The following GNAT3 variants were observed in gnomAD, a reference collection of about 807,000 sequenced individuals.
The protein encoded by GNAT3 is G protein subunit alpha transducin 3, also known as guanine nucleotide-binding protein G(t) subunit alpha-3.
GNAT3 carries 31 observed loss-of-function variants against 37.7 expected under a neutral mutation model. That is an observed-to-expected ratio of 0.82 (90% CI 0.62 to 1.11). The LOEUF (loss-of-function observed/expected upper bound fraction) is 1.11, where lower values mean the gene tolerates loss of function less well. GNAT3 is among the 50% of genes most tolerant of loss of function. GNAT3 has a pLI of 0.00. For missense variants in GNAT3, 437 were observed against 412.5 expected (o/e 1.06, Z -0.51); for synonymous variants, 138 against 139.8 (o/e 0.99, Z 0.09).
chr7:80,472,967 A>C (rs1480813418), intron 5 of GNAT3, among the ~76,000 whole-genome samples: 1 of 152,160 alleles, frequency 6.6e-6, no homozygotes, highest in Non-Finnish European at 1.5e-5. Flanking sequence ...AAAGAGTAAG[A>C]CAGAAAAGGG....
intron 1 of GNAT3, among the ~76,000 whole-genome samples, chr7:80,505,256 T>C (rs1231899063): frequency 6.6e-6 from 1 of 152,232 alleles, no homozygotes; most frequent in Non-Finnish European, 1.5e-5. Context: ...CTGAAATGAC[T>C]GGCCCTGTTT....
At chr7:80,507,452 C>T (rs1187872049) in intron 1 of GNAT3, among the ~76,000 whole-genome samples, 1 of 151,950 alleles carries the variant, frequency 6.6e-6, no homozygotes, top group Non-Finnish European at 1.5e-5. Flanking sequence ...AATAATGATA[C>T]ACATTTATTG....
chr7:80,462,819 CT>C (rs1307442749), intron 5 of GNAT3, among the ~76,000 whole-genome samples, 188 bp from the exon 6 acceptor site: 1 of 152,130 alleles, frequency 6.6e-6, no homozygotes, highest in Non-Finnish European at 1.5e-5. Flanking sequence ...AAAAAACAGT[CT>C]TTTAAAATTG....
At chr7:80,497,671 C>CGT (rs1554317549) in intron 1 of GNAT3, among the ~76,000 whole-genome samples, 2 of 91,138 alleles carry the variant, frequency 2.2e-5, no homozygotes, top group African/African-American at 2.1e-4. Flanking sequence ...TACGTATATA[C>CGT]ATACATATAT....
chr7:80,493,683 CCTCTTTCCTCCTCCTCCT>C (rs1790646980), intron 2 of GNAT3, among the ~76,000 whole-genome samples: 1 of 125,646 alleles, frequency 8.0e-6, no homozygotes, highest in African/African-American at 4.1e-5. Context: ...TCCTCCTCCT[CCTCTTTCCTCCTCCTCCT>C]CTTTGTTCCT....
intron 5 of GNAT3, among the ~76,000 whole-genome samples, chr7:80,464,961 G>T (rs1273152177): frequency 2.0e-5 from 3 of 152,026 alleles, no homozygotes; most frequent in Non-Finnish European, 4.4e-5. Context: ...AATATTATAT[G>T]TGCTACTAAT....
At chr7:80,467,948 T>C (rs181316435) in intron 5 of GNAT3, among the ~76,000 whole-genome samples, 1 of 152,058 alleles carries the variant, frequency 6.6e-6, no homozygotes, top group African/African-American at 2.4e-5. Context: ...TATTTAAGTT[T>C]TTTTTTTAAG....
At chr7:80,489,520 T>G (rs1026118855) in intron 2 of GNAT3, among the ~76,000 whole-genome samples, 1 of 152,098 alleles carries the variant, frequency 6.6e-6, no homozygotes, top group African/African-American at 2.4e-5. Flanking sequence ...TATAAAGGCT[T>G]TAGCATGGGG....
chr7:80,474,328 T>C lies in GNAT3; in HGVS notation c.513A>G (p.Glu171=). 3.2e-6 allele frequency: 5 copies of C among 1,570,692 alleles called. No individual in the cohort carries two copies. Among genetic ancestry groups the C allele is most frequent in the Non-Finnish European group, 3.5e-6 (4 of 1,155,462 alleles). Residue 171 remains glutamate (E), a synonymous_variant, in exon 5 of 8, where the codon GAA becomes GAG. Coordinates refer to ENST00000398291, the MANE Select transcript of GNAT3 (RefSeq NM_001102386.3). ...TCACTCGAGAATGGAGAACATCTTG[T>C]TCATTTGGCACATACCCAGATGCTG... is the stretch of plus-strand genomic sequence containing the variant. ...RITASGYVPN[E]QDVLHSRVKT... is the part of the protein sequence containing the mutation.
intron 1 of GNAT3, among the ~76,000 whole-genome samples, chr7:80,501,744 C>T (rs990999108): frequency 2.0e-5 from 3 of 151,742 alleles, no homozygotes; most frequent in African/African-American, 7.2e-5. Flanking sequence ...TCTGTATTCT[C>T]TGATTAGATT....
At chr7:80,493,468 T>C (rs1790632951) in intron 2 of GNAT3, among the ~76,000 whole-genome samples, 1 of 152,194 alleles carries the variant, frequency 6.6e-6, no homozygotes, top group Admixed American at 6.5e-5. Flanking sequence ...AAACAGTGTC[T>C]TAGATTGAAA....
intron 4 of GNAT3, among the ~76,000 whole-genome samples, chr7:80,476,109 C>A (rs1339813472): frequency 6.6e-6 from 1 of 151,764 alleles, no homozygotes; most frequent in African/African-American, 2.4e-5. Context: ...CAAAAATATA[C>A]CTACCAAAAT....
At chr7:80,509,040 G>A (rs541811451) in intron 1 of GNAT3, among the ~76,000 whole-genome samples, 11 of 152,132 alleles carry the variant, frequency 7.2e-5, no homozygotes, top group African/African-American at 2.6e-4. Context: ...TCATTCAGAC[G>A]ACACTGATGA....
chr7:80,461,896 G>A (rs1226557717), intron 7 of GNAT3, among the ~76,000 whole-genome samples: 4 of 152,124 alleles, frequency 2.6e-5, no homozygotes, highest in Non-Finnish European at 5.9e-5. Context: ...AGGTTCCAAT[G>A]TCATTTGATA....
At chr7:80,506,767 GGTAT>G (rs904428452) in intron 1 of GNAT3, among the ~76,000 whole-genome samples, 5 of 152,018 alleles carry the variant, frequency 3.3e-5, no homozygotes, top group African/African-American at 1.2e-4. Context: ...CAGAGAAAAT[GGTAT>G]GTATTTGTTG....
chr7:80,465,505 T>C (rs757122002), intron 5 of GNAT3, among the ~76,000 whole-genome samples: 2 of 152,142 alleles, frequency 1.3e-5, no homozygotes, highest in Non-Finnish European at 2.9e-5. Flanking sequence ...TCAGCTGATA[T>C]TTGTTGAGGC....
In GNAT3 at chr7:80,494,603, ACTT is replaced by A. The variant is rs1471284366; in HGVS notation, c.160_161+1del. On this transcript the variant is annotated splice_donor_variant and coding_sequence_variant, in exon 2 of 8. Transcript: ENST00000398291. LOFTEE classifies it high-confidence loss of function. ...AAACACTTGAGACAGATGTATACCTACTTCATTTGTTTAACAATAGTACTTTTC... is the reference window on the plus strand; with the variant it reads ...AAACACTTGAGACAGATGTATACCTACATTTGTTTAACAATAGTACTTTTC... 1 of 1,489,242 alleles carries A rather than the reference ACTT, an allele frequency of 6.7e-7. No individual in the cohort carries two copies. Among genetic ancestry groups the A allele is most frequent in the Non-Finnish European group, 9.2e-7 (1 of 1,082,284 alleles). The allele number at this position is 1,489,242 out of a possible 1,614,324, so 92.3% of individuals were successfully genotyped here.
chr7:80,475,466 C>A (rs1001919808), intron 4 of GNAT3, among the ~76,000 whole-genome samples: 2 of 151,250 alleles, frequency 1.3e-5, no homozygotes, highest in East Asian at 3.9e-4. Flanking sequence ...ATCACTATTT[C>A]TGTAAAACTT....
chr7:80,477,706 G>A (rs1790329608), intron 4 of GNAT3, among the ~76,000 whole-genome samples: 1 of 152,012 alleles, frequency 6.6e-6, no homozygotes, highest in Non-Finnish European at 1.5e-5. Context: ...TTACATTACT[G>A]TTTTGCTTTT....
Sources: gnomAD v4.1 joint callset for allele counts (sites outside exome capture counted in the v4.1 genomes callset) on GRCh38, gnomAD v4.1.1 for gene constraint, MANE v1.5 for transcripts, NCBI Gene and HGNC (gene_info 2026-07-23, HGNC 2026-07-21) for gene names.